RIMS1: variants seen among roughly 807,000 people sequenced by gnomAD.
RIMS1 encodes regulating synaptic membrane exocytosis 1, also known as regulating synaptic membrane exocytosis protein 1.
RIMS1 carries 83 observed loss-of-function variants against 214.1 expected under a neutral mutation model. The ratio of observed to expected loss-of-function variants is 0.39; its 90% CI spans 0.32 to 0.47. The LOEUF (loss-of-function observed/expected upper bound fraction) is 0.47, where lower values mean the gene tolerates loss of function less well. RIMS1 is among the 20% of genes least tolerant of loss of function. RIMS1 has a pLI of 0.99. For synonymous variants in RIMS1, 793 were observed against 786.8 expected, an observed-to-expected ratio of 1.01 and a Z score of -0.13; for missense variants, 2,050 against 2,161.8, an observed-to-expected ratio of 0.95 and a Z score of 1.03.
chr6:72,261,126 A>G, intron 19 of RIMS1: 1 of 1,172,510 alleles, frequency 8.5e-7, no homozygotes, highest in Middle Eastern at 3.9e-4. Context: ...CAAGAGGTCT[A>G]ATCTGTGTAT....
intron 2 of RIMS1, among the ~76,000 whole-genome samples, chr6:72,020,770 C>G (rs765441412): frequency 1.3e-5 from 2 of 152,128 alleles, no homozygotes; most frequent in Admixed American, 6.6e-5. Flanking sequence ...TTTGGTGAAG[C>G]AAGTTGGAGA....
intron 1 of RIMS1, among the ~76,000 whole-genome samples, chr6:71,912,014 A>G (rs1777070514): frequency 6.6e-6 from 1 of 152,142 alleles, no homozygotes; most frequent in African/African-American, 2.4e-5. Flanking sequence ...ATCAAAAACA[A>G]TGTTCTGAAA....
Position 71,886,911 on chromosome 6 carries a change from T to TGCC in RIMS1, c.-104_-102dup, listed in dbSNP as rs1767912665. The TGCC allele has an allele frequency of 7.7e-7, 1 of 1,293,886 alleles. No individual in the cohort carries two copies. The allele number at this position is 1,293,886 out of a possible 1,614,324, so 80.2% of individuals were successfully genotyped here. ...CCGCCGCCGCCGCTGCTCCTCCTCC[T>TGCC]GCCGCCGCCGCTAGGGCTCCGCTGT... On this transcript the variant is annotated 5_prime_UTR_variant, in exon 1 of 34. Coordinates refer to ENST00000521978, the MANE Select transcript of RIMS1 (RefSeq NM_014989.7).
In RIMS1 at chr6:71,903,847, T is replaced by C. The variant is rs1774489687; in HGVS notation, c.164+16660T>C. On this transcript the variant is annotated intron_variant, in intron 1 of 33. Coordinates refer to ENST00000521978, the MANE Select transcript of RIMS1 (RefSeq NM_014989.7). ...ATAGACTAAGTTTTGAGTTTCCATG[T>C]TGAGACAAAAGAAAGATATTTCCAT... Among the ~76,000 whole-genome samples the C allele has an allele frequency of 2.0e-5, 3 of 152,098 alleles. No homozygotes were observed. The South Asian group carries it at 6.2e-4, about 31-fold the overall frequency.
chr6:72,232,521 A>T (rs945373469), intron 6 of RIMS1, among the ~76,000 whole-genome samples: 18 of 151,692 alleles, frequency 1.2e-4, no homozygotes, highest in Non-Finnish European at 2.7e-4. Flanking sequence ...ATACATTTTT[A>T]AAGTATGTGA....
chr6:72,182,736 C>A lies in RIMS1; in HGVS notation c.1265C>A (p.Pro422Gln). The change falls in exon 6 of 34, where the codon CCG (proline) becomes CAG (glutamine). Residue 422 changes from proline to glutamine, a missense_variant. Around this residue, in one of 6 missense-constraint regions of RIMS1, gnomAD observed 882 missense variants for 828.9 expected, o/e 1.06. Coordinates refer to ENST00000521978, the MANE Select transcript of RIMS1 (RefSeq NM_014989.7). ...RAPAAARASP[P>Q]DSPRAYSAER... The stretch of plus-strand genomic sequence containing the variant: ...CCGGCGGCAGCCAGGGCCTCGCCGC[C>A]GGACTCGCCGCGGGCTTACTCGGCT... The A allele has an allele frequency of 6.5e-7, 1 of 1,538,698 alleles. No homozygotes were observed. The highest frequency in any genetic ancestry group is 1.2e-5 in the South Asian group (1 of 83,912).
At chr6:72,116,000 T>A (rs1055928534) in intron 4 of RIMS1, among the ~76,000 whole-genome samples, 1 of 152,000 alleles carries the variant, frequency 6.6e-6, no homozygotes, top group Non-Finnish European at 1.5e-5. Flanking sequence ...GTAATTACTA[T>A]ATATTTTTGT....
At chr6:72,330,712 CAG>C (rs2096629801) in intron 28 of RIMS1, among the ~76,000 whole-genome samples, 1 of 151,672 alleles carries the variant, frequency 6.6e-6, no homozygotes, top group African/African-American at 2.4e-5. Context: ...TTTCAAGAAA[CAG>C]AAGCAGAACA....
chr6:71,972,405 A>G (rs1320164184), intron 2 of RIMS1, among the ~76,000 whole-genome samples: 1 of 152,208 alleles, frequency 6.6e-6, no homozygotes, highest in Non-Finnish European at 1.5e-5. Context: ...GAGTAGGGAA[A>G]AAGAAAAAGA....
chr6:71,953,576 TC>T (rs1159096327), intron 1 of RIMS1, among the ~76,000 whole-genome samples: 1 of 152,208 alleles, frequency 6.6e-6, no homozygotes, highest in Non-Finnish European at 1.5e-5. Context: ...ATGTTAACAT[TC>T]TGACTTATTT....
intron 2 of RIMS1, among the ~76,000 whole-genome samples, chr6:72,071,806 TG>T (rs1298710377): frequency 1.3e-5 from 2 of 152,174 alleles, no homozygotes; most frequent in Non-Finnish European, 2.9e-5. Context: ...AGCATTTTCA[TG>T]GGGGAACTAT....
At chr6:71,969,212 G>T in intron 2 of RIMS1, 149 bp downstream of exon 2, 1 of 762,520 alleles carries the variant, frequency 1.3e-6, no homozygotes, top group Non-Finnish European at 2.3e-6. Flanking sequence ...GATAAAATTA[G>T]CTGAGCTCTG....
At chr6:72,203,170 A>G (rs2052332442) in intron 6 of RIMS1, among the ~76,000 whole-genome samples, 1 of 151,784 alleles carries the variant, frequency 6.6e-6, no homozygotes, top group South Asian at 2.1e-4. Context: ...TGTATTTTTA[A>G]TAGAGGCGGG....
At chr6:72,134,965 A>G (rs1458156158) in intron 4 of RIMS1, among the ~76,000 whole-genome samples, 1 of 152,122 alleles carries the variant, frequency 6.6e-6, no homozygotes, top group Non-Finnish European at 1.5e-5. Context: ...AGAATGTGAC[A>G]TTCAGTTTGA....
intron 1 of RIMS1, among the ~76,000 whole-genome samples, chr6:71,941,236 AG>A (rs543687253): frequency 4.0e-4 from 61 of 152,300 alleles, no homozygotes; most frequent in South Asian, 1.5e-3. Flanking sequence ...ATTGTATAAA[AG>A]TATTGTACCT....
At chr6:71,891,093 GA>G (rs1397447950) in intron 1 of RIMS1, among the ~76,000 whole-genome samples, 1 of 152,182 alleles carries the variant, frequency 6.6e-6, no homozygotes, top group African/African-American at 2.4e-5. Flanking sequence ...AAATTAGGCT[GA>G]TTCAGATCAG....
chr6:72,280,757 G>A (rs1449226586), intron 23 of RIMS1, among the ~76,000 whole-genome samples: 9 of 151,968 alleles, frequency 5.9e-5, no homozygotes, highest in Non-Finnish European at 1.3e-4. Flanking sequence ...TAGAGCACTG[G>A]CTCTAAGTTT....
chr6:72,083,318 A>G (rs1269467311), intron 2 of RIMS1, among the ~76,000 whole-genome samples: 2 of 152,174 alleles, frequency 1.3e-5, no homozygotes, highest in East Asian at 3.8e-4. Context: ...TCAGATTTTT[A>G]GAATCTCCTT....
chr6:72,027,680 G>T (rs1267902845), intron 2 of RIMS1, among the ~76,000 whole-genome samples: 1 of 151,870 alleles, frequency 6.6e-6, no homozygotes, highest in Non-Finnish European at 1.5e-5. Context: ...CTCTTTCATA[G>T]ATAGCTTCTT....
Sources: gnomAD v4.1 joint callset for allele counts (sites outside exome capture counted in the v4.1 genomes callset) on GRCh38, gnomAD v4.1.1 for gene constraint, gnomAD v4.1.1 regional missense constraint, MANE v1.5 for transcripts, NCBI Gene and HGNC (gene_info 2026-07-23, HGNC 2026-07-21) for gene names.